ZFYVE26: variants seen among roughly 807,000 people sequenced by gnomAD.
ZFYVE26 encodes the protein zinc finger FYVE domain-containing protein 26.
A neutral mutation model predicts 276.5 loss-of-function variants in ZFYVE26; 181 were observed. The ratio of observed to expected loss-of-function variants is 0.65; its 90% CI spans 0.58 to 0.74. The LOEUF (loss-of-function observed/expected upper bound fraction) is 0.74. Ranked by LOEUF, ZFYVE26 falls within the 30% of genes least tolerant of loss-of-function variation. ZFYVE26 has a pLI of 0.00. For synonymous variants in ZFYVE26, 1,129 were observed against 1,203.1 expected (o/e 0.94, Z 1.27); for missense variants, 2,821 against 3,097.9 (o/e 0.91, Z 2.12).
At chr14:67,736,322 G>A (rs1228505205) in intron 13 of ZFYVE26, among the ~76,000 whole-genome samples, 1 of 152,150 alleles carries the variant, frequency 6.6e-6, no homozygotes, top group Non-Finnish European at 1.5e-5. Context: ...TCTCTTCTAC[G>A]GCTATCATAT....
intron 26 of ZFYVE26, 35 bp from the exon 27 acceptor site, chr14:67,775,149 C>G: frequency 1.1e-5 from 16 of 1,433,642 alleles, no homozygotes; most frequent in Non-Finnish European, 1.5e-5. Flanking sequence ...AAATATGGTT[C>G]TACCATAAGT....
Position 67,807,527 on chromosome 14 carries a change from G to GACTCCCCTCGGTCCTGCAGGCC in ZFYVE26, c.735_756dup (p.Pro253GlyfsTer59). The GACTCCCCTCGGTCCTGCAGGCC allele has an allele frequency of 6.2e-7, 1 of 1,614,192 alleles. No individual in the cohort carries two copies. The highest frequency in any genetic ancestry group is 8.5e-7 in the Non-Finnish European group (1 of 1,180,030). ...CTGAGCAGCCGCTCCTCCCGCAGGGGACTCCCCTCGGTCCTGCAGGCCTCT... is the reference window on the plus strand; with the variant it reads ...CTGAGCAGCCGCTCCTCCCGCAGGGGACTCCCCTCGGTCCTGCAGGCCACTCCCCTCGGTCCTGCAGGCCTCT... On this transcript the variant is annotated frameshift_variant, in exon 5 of 42. Transcript: ENST00000347230. LOFTEE classifies it high-confidence loss of function.
intron 35 of ZFYVE26, 50 bp from the exon 36 acceptor site, chr14:67,756,195 A>T (rs1431137304): frequency 6.9e-6 from 11 of 1,588,248 alleles, no homozygotes; most frequent in Non-Finnish European, 9.5e-6. Flanking sequence ...TGGTTCTGGC[A>T]CTGTCTGGGA....
At chr14:67,751,137 C>A (rs1269434430) in intron 40 of ZFYVE26, 41 bp from the exon 41 acceptor site, 2 of 1,613,262 alleles carry the variant, frequency 1.2e-6, no homozygotes, top group Admixed American at 1.7e-5. Flanking sequence ...GGAGAAGAGT[C>A]CCGCAGTCTG....
At position 67,762,597 on chromosome 14, in the gene ZFYVE26, C is replaced by G. The variant is rs947075826; in HGVS notation, c.6159+75G>C. ...GCAGGACAACTGAGAGACGGCAACA[C>G]CTGTTTGCAAGGCTAAGCAAAAGCA... is the stretch of plus-strand genomic sequence containing the variant. On this transcript the variant is annotated intron_variant, in intron 33 of 41. Coordinates refer to ENST00000347230, the MANE Select transcript of ZFYVE26 (RefSeq NM_015346.4). The G allele has an allele frequency of 1.9e-6, 3 of 1,604,336 alleles. No individual in the cohort carries two copies. The African/African-American group carries it at 4.0e-5, about 21-fold the overall frequency.
At chr14:67,791,311 T>C (rs1447869784) in intron 14 of ZFYVE26, among the ~76,000 whole-genome samples, 1 of 152,174 alleles carries the variant, frequency 6.6e-6, no homozygotes, top group Non-Finnish European at 1.5e-5. Flanking sequence ...ATTACAACTA[T>C]TACAAGGTTA....
At chr14:67,778,003 C>A (rs553787700) in intron 24 of ZFYVE26, 123 bp downstream of exon 24, 1 of 1,445,358 alleles carries the variant, frequency 6.9e-7, no homozygotes, top group East Asian at 2.3e-5. Flanking sequence ...ATAACCAGCT[C>A]CTGAAAGATC....
intron 28 of ZFYVE26, among the ~76,000 whole-genome samples, chr14:67,771,068 A>G (rs1185363996): frequency 2.0e-5 from 3 of 152,004 alleles, no homozygotes; most frequent in Non-Finnish European, 4.4e-5. Context: ...TTATTTTGTC[A>G]CCTGGGTAGT....
chr14:67,768,523 G>T lies in ZFYVE26; in HGVS notation c.5647C>A (p.Pro1883Thr), dbSNP rs1413952947. 1.9e-6 allele frequency: 3 copies of T among 1,613,984 alleles called. No individual in the cohort carries two copies. Among genetic ancestry groups the T allele is most frequent in the Non-Finnish European group, 2.5e-6 (3 of 1,180,004 alleles). ...GAACGGGATTTGGCCTTACCTTCTG[G>T]TTTTTCTGAAGGCTCCTCTGGTACA... Reference protein sequence around the residue: ...KDVPEEPSEKPEALDSSKNES... With the variant: ...KDVPEEPSEKTEALDSSKNES... Residue 1883 changes from proline (P) to threonine (T), a missense_variant, in exon 30 of 42, where the codon CCA becomes ACA. Physicochemically the swap from Pro to Thr is conservative, Grantham distance 38. Transcript: ENST00000347230.
chr14:67,783,775 G>A (rs1244007704), intron 20 of ZFYVE26, among the ~76,000 whole-genome samples: 1 of 152,100 alleles, frequency 6.6e-6, no homozygotes, highest in African/African-American at 2.4e-5. Context: ...CAGTTACATA[G>A]TATTCCATTA....
intron 13 of ZFYVE26, among the ~76,000 whole-genome samples, chr14:67,730,949 G>A (rs923260101): frequency 2.0e-5 from 3 of 152,122 alleles, no homozygotes; most frequent in Non-Finnish European, 2.9e-5. Context: ...TATAAAAAAA[G>A]AAGTGTAAGT....
chr14:67,766,156 A>G (rs985338203), intron 32 of ZFYVE26, 71 bp downstream of exon 32: 19 of 1,437,002 alleles, frequency 1.3e-5, no homozygotes, highest in Non-Finnish European at 1.9e-5. Context: ...AAAAAATCAC[A>G]GTGGGGTCAG....
intron 18 of ZFYVE26, 42 bp downstream of exon 18, chr14:67,785,816 C>A: frequency 6.2e-7 from 1 of 1,613,350 alleles, no homozygotes; most frequent in Non-Finnish European, 8.5e-7. Context: ...TTTCCTCTCC[C>A]CAGTTCAGCT....
chr14:67,762,143 G>C, intron 34 of ZFYVE26, 60 bp downstream of exon 34: 4 of 1,558,738 alleles, frequency 2.6e-6, no homozygotes, highest in Non-Finnish European at 3.5e-6. Flanking sequence ...CTTTTCCCAG[G>C]TCATTGCTAT....
Position 67,748,528 on chromosome 14 carries a change from T to A in ZFYVE26, c.7528A>T (p.Ser2510Cys). 6.2e-7 allele frequency: 1 copy of A among 1,614,096 alleles called. No individual in the cohort carries two copies. Among genetic ancestry groups the A allele is most frequent in the Non-Finnish European group, 8.5e-7 (1 of 1,180,002 alleles). The change falls in exon 42 of 42, where the codon AGC (serine) becomes TGC (cysteine). Residue 2510 changes from serine (S) to cysteine (C), a missense_variant. Transcript: ENST00000347230. The part of the protein sequence containing the change: ...LVQQVQQAAK[S>C]SGDAVVQDIC... ...TCTTGCACTACTGCATCCCCGCTGC[T>A]CTTGGCGGCCTGCTGCACCTGCTGG...
chr14:67,749,462 C>T (rs1404351728), intron 41 of ZFYVE26, among the ~76,000 whole-genome samples: 3 of 152,066 alleles, frequency 2.0e-5, no homozygotes, highest in East Asian at 3.9e-4. Context: ...CCTTTCTGGC[C>T]CTGGTCTCCC....
chr14:67,750,643 A>AT (rs112682419), intron 41 of ZFYVE26: 1 of 239,656 alleles, frequency 4.2e-6, no homozygotes, highest in African/African-American at 2.3e-5. Flanking sequence ...TGGGGTGGGG[A>AT]TTTTTTTCTT....
In ZFYVE26 at chr14:67,805,458, G is replaced by T. The variant is rs1487988507; in HGVS notation, c.1178C>A (p.Thr393Asn). 2.5e-6 allele frequency: 4 copies of T among 1,614,180 alleles called. No homozygotes were observed. Among genetic ancestry groups the T allele is most frequent in the Non-Finnish European group, 3.4e-6 (4 of 1,180,038 alleles). The change falls in exon 7 of 42, where the codon ACC becomes AAC. Residue 393 changes from threonine to asparagine, a missense_variant. Thr to Asn is a moderately conservative substitution (Grantham distance 65). Transcript: ENST00000347230. ...AKRLLQTLHR[T>N]QGPGCDELLR... ...GGGATGCTGAGTGAGAGTTACCTGG[G>T]TCCTGTGCAGGGTCTGGAGCAGCCT...
At chr14:67,799,574 G>A (rs576666690) in intron 10 of ZFYVE26, 3 of 1,514,958 alleles carry the variant, frequency 2.0e-6, no homozygotes, top group Admixed American at 1.7e-5. Context: ...CAAAGGAGGA[G>A]GGAAAAAATC....
Sources: gnomAD v4.1 joint callset for allele counts (sites outside exome capture counted in the v4.1 genomes callset) on GRCh38, gnomAD v4.1.1 for gene constraint, MANE v1.5 for transcripts, NCBI Gene and HGNC (gene_info 2026-07-23, HGNC 2026-07-21) for gene names.